The following ZNF462 variants were observed in gnomAD, a reference collection of about 807,000 sequenced individuals.
ZNF462 encodes the protein zinc finger PBX1-interacting protein.
A neutral mutation model predicts 201.9 loss-of-function variants in ZNF462; 10 were observed. The observed-to-expected ratio is 0.05, with a 90% CI of 0.03 to 0.08. The LOEUF (loss-of-function observed/expected upper bound fraction) is 0.08. Among genes scored for constraint, ZNF462 ranks in the 10% least tolerant of loss-of-function variants. ZNF462 has a pLI of 1.00. For synonymous variants in ZNF462, 1,227 were observed against 1,193.3 expected (o/e 1.03, Z -0.58); for missense variants, 2,523 against 3,168.3 (o/e 0.80, Z 4.89).
intron 10 of ZNF462, among the ~76,000 whole-genome samples, chr9:106,992,032 A>G (rs1248809005): frequency 6.6e-6 from 1 of 151,932 alleles, no homozygotes; most frequent in Admixed American, 6.6e-5. Context: ...AAAAGAAGAC[A>G]CCATTAAGAA....
chr9:107,000,613 T>A (rs943962189), intron 10 of ZNF462, among the ~76,000 whole-genome samples: 1 of 152,220 alleles, frequency 6.6e-6, no homozygotes, highest in African/African-American at 2.4e-5. Flanking sequence ...TTCTCATTTT[T>A]AAATCTTTTA....
At chr9:106,973,125 C>T (rs1826720215) in intron 8 of ZNF462, among the ~76,000 whole-genome samples, 1 of 151,784 alleles carries the variant, frequency 6.6e-6, no homozygotes, top group Non-Finnish European at 1.5e-5. Context: ...GTGCCTGGCA[C>T]AAAGCAAACA....
rs1384974968 is a variant in ZNF462, at chr9:106,929,202, G to T, written c.5290G>T (p.Val1764Leu). The T allele has an allele frequency of 6.2e-7, 1 of 1,614,080 alleles. No homozygotes were observed. The highest frequency in any genetic ancestry group is 2.2e-5 in the East Asian group (1 of 44,876). Residue 1764 changes from valine to leucine, a missense_variant, in exon 3 of 13, where the codon GTG becomes TTG. Val to Leu is a conservative substitution (Grantham distance 32, BLOSUM62 1). This residue lies in a region of ZNF462 where 207 missense variants were observed against 231.6 expected (regional missense o/e 0.89). Coordinates refer to ENST00000277225, the MANE Select transcript of ZNF462 (RefSeq NM_021224.6). This position sits in a 1 kb window ranked among gnomAD's most constrained non-coding sequence, Gnocchi z 8.7. ...GCTGAGCGAGGAACTCCGGCGGGCA[G>T]TGGAGAAGAAAAAGTGCTCCTTGTG... ...PQLSEELRRA[V>L]EKKKCSLCSF... is the part of the protein sequence containing the mutation.
intron 7 of ZNF462, among the ~76,000 whole-genome samples, chr9:106,955,865 A>G (rs78114084): frequency 1.3e-5 from 2 of 152,154 alleles, no homozygotes; most frequent in South Asian, 2.1e-4. Flanking sequence ...AGATTTTATC[A>G]TGAGAATCAG....
At chr9:106,947,774 T>C (rs1435985037) in intron 7 of ZNF462, among the ~76,000 whole-genome samples, 1 of 152,152 alleles carries the variant, frequency 6.6e-6, no homozygotes, top group Non-Finnish European at 1.5e-5. Flanking sequence ...CCTGTGCCCT[T>C]GAACTTTGTG....
At chr9:106,909,297 G>T (rs1330513476) in intron 1 of ZNF462, among the ~76,000 whole-genome samples, 1 of 151,332 alleles carries the variant, frequency 6.6e-6, no homozygotes, top group Non-Finnish European at 1.5e-5. Context: ...ATTTTATTAT[G>T]GTTAAGTTTT....
rs1027643039 is a variant in ZNF462, at chr9:106,928,431, A to G, written c.4519A>G (p.Ile1507Val). 10 of 1,614,036 alleles carry G rather than the reference A, an allele frequency of 6.2e-6. No individual in the cohort carries two copies. The highest frequency in any genetic ancestry group is 1.6e-4 in the Middle Eastern group (1 of 6,084). Reference protein sequence around the residue: ...KVKAADFAQDIDINPGAVYKC... With the variant: ...KVKAADFAQDVDINPGAVYKC... ...GAAGGCTGCTGACTTTGCCCAGGAC[A>G]TTGACATCAACCCAGGTGCCGTCTA... The change falls in exon 3 of 13, where the codon ATT becomes GTT. Residue 1507 changes from isoleucine to valine, a missense_variant. This residue lies in a region of ZNF462 where 200 missense variants were observed against 281.3 expected (regional missense o/e 0.71). Transcript: ENST00000277225. This position sits in a 1 kb window ranked among gnomAD's most constrained non-coding sequence, Gnocchi z 9.3.
chr9:106,913,822 G>T lies in ZNF462; in HGVS notation c.-30-9532G>T, dbSNP rs950074665. 6.7e-6 allele frequency among the ~76,000 whole-genome samples: 1 copy of T among 150,046 alleles called. No individual in the cohort carries two copies. On this transcript the variant is annotated intron_variant, in intron 1 of 12. Coordinates refer to ENST00000277225, the MANE Select transcript of ZNF462 (RefSeq NM_021224.6). The surrounding 1 kb of genome is among the most constrained non-coding windows in gnomAD (Gnocchi z 4.1). ...TTACCATGTTGGCTAGGCTGGTCTC[G>T]AACTCCTTACCTCAAGTGATCTGCC...
intron 1 of ZNF462, among the ~76,000 whole-genome samples, chr9:106,898,895 GGAACAT>G (rs370931785): frequency 1.2e-3 from 177 of 152,224 alleles, no homozygotes; most frequent in African/African-American, 4.2e-3. Flanking sequence ...GGAGAAGTAA[GGAACAT>G]GAAAGCAGTT....
At chr9:106,868,690 T>C (rs574310349) in intron 1 of ZNF462, among the ~76,000 whole-genome samples, 1 of 152,284 alleles carries the variant, frequency 6.6e-6, no homozygotes, top group African/African-American at 2.4e-5. Context: ...TGAAGTGACT[T>C]GCACAAGGTC....
intron 1 of ZNF462, among the ~76,000 whole-genome samples, chr9:106,884,880 C>T (rs1046204005): frequency 3.9e-5 from 6 of 152,076 alleles, no homozygotes; most frequent in Non-Finnish European, 5.9e-5. Flanking sequence ...ATTAGAGTAA[C>T]GTTGGCTAGA....
chr9:106,946,582 G>A (rs938095549), intron 7 of ZNF462, among the ~76,000 whole-genome samples: 1 of 152,140 alleles, frequency 6.6e-6, no homozygotes, highest in Non-Finnish European at 1.5e-5. Context: ...ACAAGAGTGA[G>A]CCATGATTTA....
At chr9:106,951,132 A>G (rs180757951) in intron 7 of ZNF462, among the ~76,000 whole-genome samples, 1 of 152,268 alleles carries the variant, frequency 6.6e-6, no homozygotes, top group East Asian at 1.9e-4. Flanking sequence ...TAAAATATTG[A>G]TAAGATTTGC....
rs114639532 is a variant in ZNF462, at chr9:106,887,516, G to A, written c.-31+24161G>A. On this transcript the variant is annotated intron_variant, in intron 1 of 12. Coordinates refer to ENST00000277225, the MANE Select transcript of ZNF462 (RefSeq NM_021224.6). ...CTACTTATTACAATAAAACTAGAAGGAACCTTTGAGGTTATTTTTTTAATG... is the reference window on the plus strand; with the variant it reads ...CTACTTATTACAATAAAACTAGAAGAAACCTTTGAGGTTATTTTTTTAATG... Among the ~76,000 whole-genome samples the A allele has an allele frequency of 1.8e-3, 276 of 152,300 alleles. 1 individual carries two copies. Among genetic ancestry groups the A allele is most frequent in the African/African-American group, 6.2e-3 (257 of 41,564 alleles).
rs568673928 is a variant in ZNF462 at position 106,950,825 on chromosome 9, C to T, written c.6427+11718C>T. On this transcript the variant is annotated intron_variant, in intron 7 of 12. Transcript: ENST00000277225. The surrounding 1 kb of genome is among the most constrained non-coding windows in gnomAD (Gnocchi z 4.1). ...TAAGTTCAGGCCAGGCGTGGTGGCT[C>T]GCACCTGTAATCTCAGCACTTTGGG... is the stretch of plus-strand genomic sequence containing the variant. Among the ~76,000 whole-genome samples the T allele has an allele frequency of 7.2e-5, 11 of 152,208 alleles. No homozygotes were observed. Among genetic ancestry groups the T allele is most frequent in the Non-Finnish European group, 8.8e-5 (6 of 68,030 alleles).
rs1466192297 is a variant in ZNF462 at position 106,979,000 on chromosome 9, G to A, written c.6832+4727G>A. 2.6e-5 allele frequency: 6 copies of A among 227,752 alleles called. 1 individual carries two copies. The highest frequency in any genetic ancestry group is 9.7e-5 in the African/African-American group (4 of 41,252). 14.1% of individuals were successfully genotyped at this position (227,752 alleles called of 1,614,324 possible). A position where few individuals can be genotyped will look rare whatever the true frequency, so the allele number is the denominator to read the frequency against. ...GTAGTGCAGATCTCCCTGTGGACTA[G>A]ACACCCCAATTTGGCCATCTCCTTG... On this transcript the variant is annotated intron_variant, in intron 9 of 12. Coordinates refer to ENST00000277225, the MANE Select transcript of ZNF462 (RefSeq NM_021224.6). This position sits in a 1 kb window ranked among gnomAD's most constrained non-coding sequence, Gnocchi z 4.1.
At chr9:106,959,834 T>C (rs1831747638) in intron 7 of ZNF462, among the ~76,000 whole-genome samples, 1 of 152,078 alleles carries the variant, frequency 6.6e-6, no homozygotes, top group South Asian at 2.1e-4. Context: ...TCCCTCCAGC[T>C]TCTTGGAAAT....
At chr9:106,965,773 T>G (rs1417793967) in intron 7 of ZNF462, among the ~76,000 whole-genome samples, 1 of 152,056 alleles carries the variant, frequency 6.6e-6, no homozygotes, top group East Asian at 1.9e-4. Context: ...CAAAGCTCAT[T>G]AGGTTTCCCA....
chr9:107,009,226 G>A lies in ZNF462; in HGVS notation c.7190-319G>A. On this transcript the variant is annotated intron_variant, in intron 11 of 12. Coordinates refer to ENST00000277225, the MANE Select transcript of ZNF462 (RefSeq NM_021224.6). This position sits in a 1 kb window ranked among gnomAD's most constrained non-coding sequence, Gnocchi z 6.1. ...ATCACACAAGGGAGAGAATAAATCG[G>A]AAAAAATAATGCTCAGATTCCTTTG... 1 of 313,478 alleles carries A rather than the reference G, an allele frequency of 3.2e-6. No individual in the cohort carries two copies. 19.4% of individuals were successfully genotyped at this position (313,478 alleles called of 1,614,324 possible).
Sources: gnomAD v4.1 joint callset for allele counts (sites outside exome capture counted in the v4.1 genomes callset) on GRCh38, gnomAD v4.1.1 for gene constraint, gnomAD v4.1.1 regional missense constraint, Gnocchi (gnomAD v3.1) non-coding constraint, MANE v1.5 for transcripts, NCBI Gene and HGNC (gene_info 2026-07-23, HGNC 2026-07-21) for gene names.